LRRC37A2: variants seen among roughly 807,000 people sequenced by gnomAD.
LRRC37A2 encodes leucine rich repeat containing 37 member A2.
LRRC37A2 carries 9 observed loss-of-function variants against 68.8 expected under a neutral mutation model. That is an observed-to-expected ratio of 0.13 (90% confidence interval 0.08 to 0.23). LRRC37A2 has a LOEUF of 0.23. LRRC37A2 is among the 10% of genes least tolerant of loss of function. The probability of loss-of-function intolerance (pLI) is 1.00; values close to 1 mark genes in which losing one functional copy is unlikely to be tolerated. For synonymous variants in LRRC37A2, 63 were observed against 367.6 expected, an observed-to-expected ratio of 0.17 and a Z score of 9.48; for missense variants, 168 against 950.4, an observed-to-expected ratio of 0.18 and a Z score of 10.82.
At chr17:46,917,168 A>G in the LRRC37A2 span, 1 of 152,180 alleles carries the variant, frequency 6.6e-6, no homozygotes, top group African/African-American at 2.4e-5. Flanking sequence ...TCTTAACTCA[A>G]TCCAGCATCA....
chr17:46,601,418 T>TTA, the LRRC37A2 span, among the ~76,000 whole-genome samples: 3 of 65,454 alleles, frequency 4.6e-5, no homozygotes, highest in Non-Finnish European at 8.1e-5. Flanking sequence ...TTTTTTTTTT[T>TTA]ACCTTGGTGA....
the LRRC37A2 span, among the ~76,000 whole-genome samples, chr17:46,779,934 T>G: frequency 6.6e-6 from 1 of 152,140 alleles, no homozygotes; most frequent in Admixed American, 6.5e-5. Context: ...AATTTTTGTA[T>G]TTTCAGTAGA....
At chr17:46,721,798 T>C in the LRRC37A2 span, 1 of 1,602,072 alleles carries the variant, frequency 6.2e-7, no homozygotes, top group Non-Finnish European at 8.5e-7. Flanking sequence ...CGTGCACAGC[T>C]GTCAGAGTAC....
chr17:46,879,255 C>G, the LRRC37A2 span, among the ~76,000 whole-genome samples: 526 of 152,228 alleles, frequency 3.5e-3, 15 homozygotes, highest in Admixed American at 0.029. Context: ...CTGACCGGGT[C>G]CCCCACTGAG....
the LRRC37A2 span, among the ~76,000 whole-genome samples, chr17:47,003,615 T>C: frequency 6.6e-6 from 1 of 152,210 alleles, no homozygotes; most frequent in African/African-American, 2.4e-5. Context: ...ACCATTGGGG[T>C]AGCATGTTCT....
the LRRC37A2 span, among the ~76,000 whole-genome samples, chr17:46,575,345 T>C: frequency 4.6e-5 from 7 of 151,726 alleles, no homozygotes; most frequent in African/African-American, 1.2e-4. Context: ...ATTTCTCTAG[T>C]TGGACATCAT....
intron 11 of LRRC37A2, among the ~76,000 whole-genome samples, chr17:46,551,212 C>T (rs1481762410): frequency 6.7e-6 from 1 of 149,040 alleles, no homozygotes; most frequent in Non-Finnish European, 1.5e-5. Context: ...TTACCTAAAG[C>T]CTACATCTGG....
chr17:46,534,291 C>G (rs2145341262), intron 6 of LRRC37A2, among the ~76,000 whole-genome samples: 1 of 142,192 alleles, frequency 7.0e-6, no homozygotes, highest in South Asian at 2.2e-4. Flanking sequence ...GGAAGGTCAG[C>G]AGATAAACAA....
chr17:46,932,131 C>T, the LRRC37A2 span: 32 of 1,613,888 alleles, frequency 2.0e-5, no homozygotes, highest in Non-Finnish European at 2.4e-5. Flanking sequence ...CTTCCAGCAT[C>T]GGCGCCATGC....
At chr17:46,716,549 G>C in the LRRC37A2 span, among the ~76,000 whole-genome samples, 3 of 152,114 alleles carry the variant, frequency 2.0e-5, no homozygotes, top group African/African-American at 7.2e-5. Flanking sequence ...GAGCCACCGC[G>C]CCCGGCCTGC....
chr17:46,499,036 C>A, the LRRC37A2 span, among the ~76,000 whole-genome samples: 1 of 149,360 alleles, frequency 6.7e-6, no homozygotes, highest in Non-Finnish European at 1.5e-5. Context: ...CTCTATAGGC[C>A]AGGCATGGTG....
chr17:46,939,596 A>ACAG, the LRRC37A2 span: 4 of 985,396 alleles, frequency 4.1e-6, no homozygotes, highest in African/African-American at 7.0e-5. Flanking sequence ...TTTTCCAATT[A>ACAG]CAGTCTCAGC....
the LRRC37A2 span, among the ~76,000 whole-genome samples, chr17:46,986,281 ACCAGGGATGATGATGATGGTAACTGCCT>A: frequency 2.0e-5 from 3 of 152,146 alleles, no homozygotes; most frequent in South Asian, 6.2e-4. Context: ...TTCCCTATAG[ACCAGGGATGATGATGATGGTAACTGCCT>A]CCTAGAATTG....
the LRRC37A2 span, among the ~76,000 whole-genome samples, chr17:46,662,095 G>A: frequency 4.2e-5 from 4 of 95,826 alleles, no homozygotes; most frequent in Admixed American, 1.2e-4. Context: ...CACCCGCCTC[G>A]GCCTCCCAAA....
chr17:46,845,485 ATTTTTTTT>A, the LRRC37A2 span, among the ~76,000 whole-genome samples: 1 of 121,382 alleles, frequency 8.2e-6, no homozygotes, highest in Non-Finnish European at 1.7e-5. Flanking sequence ...AGTTATCTGA[ATTTTTTTT>A]TTTTTTTTTT....
At chr17:46,741,471 T>C in the LRRC37A2 span, among the ~76,000 whole-genome samples, 1 of 152,206 alleles carries the variant, frequency 6.6e-6, no homozygotes, top group African/African-American at 2.4e-5. Flanking sequence ...AGAAGTAGAC[T>C]AAGAATTTGC....
the LRRC37A2 span, among the ~76,000 whole-genome samples, chr17:46,788,152 A>G: frequency 2.0e-5 from 3 of 152,262 alleles, no homozygotes; most frequent in South Asian, 6.2e-4. Context: ...CTTGAAGTTG[A>G]GCTCAGCTTG....
the LRRC37A2 span, among the ~76,000 whole-genome samples, chr17:47,034,617 CTT>C: frequency 6.6e-6 from 1 of 151,934 alleles, no homozygotes; most frequent in East Asian, 1.9e-4. Flanking sequence ...CAGGGTCTCA[CTT>C]TGTTACCCAG....
chr17:46,875,182 G>T, the LRRC37A2 span: 4 of 1,614,056 alleles, frequency 2.5e-6, no homozygotes, highest in South Asian at 2.2e-5. Flanking sequence ...AGCGCTGGGC[G>T]CATGGAGCGC....
Sources: allele counts gnomAD v4.1 joint callset (sites outside exome capture counted in the v4.1 genomes callset), GRCh38; gene constraint gnomAD v4.1.1; transcripts MANE v1.5; gene names NCBI Gene and HGNC (gene_info 2026-07-23, HGNC 2026-07-21).